Variants in ZNF566 observed in about 807,000 individuals in gnomAD.
ZNF566 encodes zinc finger protein 566.
In ZNF566, 27 loss-of-function variants were observed where a neutral mutation model predicts 32.8. That is an observed-to-expected ratio of 0.82 (90% CI 0.61 to 1.14). The LOEUF (loss-of-function observed/expected upper bound fraction) is 1.14. Ranked by LOEUF, ZNF566 falls within the 50% of genes most tolerant of loss-of-function variation. The pLI, the probability that ZNF566 is intolerant of heterozygous loss-of-function variation, is 0.00. For missense variants in ZNF566, 402 were observed against 490.4 expected (o/e 0.82, Z 1.70); for synonymous variants, 154 against 159.5 (o/e 0.97, Z 0.26).
In ZNF566 at chr19:36,448,716, A is replaced by C. The variant is rs1484673735; in HGVS notation, c.*261T>G. 3.3e-6 allele frequency: 1 copy of C among 304,292 alleles called. No homozygotes were observed. Among genetic ancestry groups the C allele is most frequent in the African/African-American group, 2.2e-5 (1 of 46,392 alleles). 18.8% of individuals were successfully genotyped at this position (304,292 alleles called of 1,614,324 possible). A position where few individuals can be genotyped will look rare whatever the true frequency, so the allele number is the denominator to read the frequency against. ...AGGTGTTAAAAGTGCTGTCATTTTC[A>C]GTATGACAGACTGAATTATCTATCA... On this transcript the variant is annotated 3_prime_UTR_variant, in exon 5 of 5. Coordinates refer to ENST00000452939, the MANE Select transcript of ZNF566 (RefSeq NM_001145344.1).
intron 4 of ZNF566, among the ~76,000 whole-genome samples, chr19:36,453,566 A>G (rs2033224731): frequency 3.3e-5 from 5 of 151,374 alleles, no homozygotes; most frequent in Admixed American, 3.3e-4. Flanking sequence ...ATTTGCTAAT[A>G]GATACACAAT....
chr19:36,487,012 C>G (rs2034180230), intron 1 of ZNF566, among the ~76,000 whole-genome samples: 1 of 149,752 alleles, frequency 6.7e-6, no homozygotes, highest in Admixed American at 6.7e-5. Flanking sequence ...ATGGCGTGAA[C>G]CCGGGAGGCG....
At chr19:36,473,126 G>C in intron 3 of ZNF566, 120 bp from the exon 4 acceptor site, 1 of 1,103,130 alleles carries the variant, frequency 9.1e-7, no homozygotes, top group Non-Finnish European at 1.3e-6. Context: ...GAGGTACAAC[G>C]GACTTATGAA....
chr19:36,472,429 G>A (rs1033665975), intron 4 of ZNF566, among the ~76,000 whole-genome samples: 2 of 152,168 alleles, frequency 1.3e-5, no homozygotes, highest in Non-Finnish European at 2.9e-5. Flanking sequence ...TTTAAACTCT[G>A]CAGCACCTAG....
rs2033324871 is a variant in ZNF566, at chr19:36,456,718, A to G, written c.233-6717T>C. 2.0e-5 allele frequency among the ~76,000 whole-genome samples: 3 copies of G among 152,270 alleles called. 1 individual carries two copies. Among genetic ancestry groups the G allele is most frequent in the Admixed American group, 6.5e-5 (1 of 15,278 alleles). ...GCACAATCTGCACATGTATCCCAGA[A>G]CTTAAAGTATAATAAAAAATAAATG... On this transcript the variant is annotated intron_variant, in intron 4 of 4. Coordinates refer to ENST00000452939, the MANE Select transcript of ZNF566 (RefSeq NM_001145344.1).
At chr19:36,458,189 G>A (rs908905198) in intron 4 of ZNF566, among the ~76,000 whole-genome samples, 1 of 152,074 alleles carries the variant, frequency 6.6e-6, no homozygotes, top group Admixed American at 6.6e-5. Context: ...CCAAGATATG[G>A]AATCAATGGA....
rs1370024153 is a variant in ZNF566, at chr19:36,449,926, TC to T, written c.307del (p.Glu103LysfsTer2). 1 of 1,613,848 alleles carries T rather than the reference TC, an allele frequency of 6.2e-7. No homozygotes were observed. The highest frequency in any genetic ancestry group is 8.5e-7 in the Non-Finnish European group (1 of 1,179,968). ...EIYEIESTQW[E>X]IMEKLTRRDF... ...ACGTCTTGTGAGTTTTTCCATTATTTCCCACTGGGTTGATTCTATTTCATAA... is the reference window on the plus strand; with the variant it reads ...ACGTCTTGTGAGTTTTTCCATTATTTCCACTGGGTTGATTCTATTTCATAA... On this transcript the variant is annotated frameshift_variant, in exon 5 of 5. Transcript: ENST00000452939. LOFTEE classifies it high-confidence loss of function.
At chr19:36,479,574 C>T (rs547553491) in intron 1 of ZNF566, among the ~76,000 whole-genome samples, 90 of 152,236 alleles carry the variant, frequency 5.9e-4, no homozygotes, top group Non-Finnish European at 1.1e-3. Flanking sequence ...TAACAAATGT[C>T]GACATATACC....
At chr19:36,475,715 G>A (rs774755579) in intron 2 of ZNF566, among the ~76,000 whole-genome samples, 5 of 152,066 alleles carry the variant, frequency 3.3e-5, no homozygotes, top group Admixed American at 1.3e-4. Context: ...AGCGGGGGGC[G>A]GCGGGGAACT....
chr19:36,463,460 G>A (rs1017316639), intron 4 of ZNF566, among the ~76,000 whole-genome samples: 2 of 151,158 alleles, frequency 1.3e-5, no homozygotes, highest in African/African-American at 4.9e-5. Flanking sequence ...GAAAAGTACT[G>A]TGGTCATGGC....
chr19:36,474,506 G>T (rs1345334180), intron 2 of ZNF566, among the ~76,000 whole-genome samples: 2 of 152,156 alleles, frequency 1.3e-5, no homozygotes, highest in African/African-American at 2.4e-5. Flanking sequence ...TATGGTAACA[G>T]TCAGGAAAAA....
chr19:36,480,827 G>T (rs552801812), intron 1 of ZNF566, among the ~76,000 whole-genome samples: 200 of 151,610 alleles, frequency 1.3e-3, no homozygotes, highest in Non-Finnish European at 2.2e-3. Flanking sequence ...AACACCTGAG[G>T]TCAGGAGTTC....
At chr19:36,478,490 A>C (rs1279913623) in intron 1 of ZNF566, among the ~76,000 whole-genome samples, 1 of 152,018 alleles carries the variant, frequency 6.6e-6, no homozygotes, top group Non-Finnish European at 1.5e-5. Flanking sequence ...TCCCACTTCA[A>C]CAGCTCCATA....
At chr19:36,478,834 G>A (rs530187008) in intron 1 of ZNF566, among the ~76,000 whole-genome samples, 142 of 152,244 alleles carry the variant, frequency 9.3e-4, no homozygotes, top group African/African-American at 3.4e-3. Flanking sequence ...ATAAGAGCAC[G>A]AACAGTAGGG....
chr19:36,472,873 C>T, intron 4 of ZNF566, 38 bp downstream of exon 4: 4 of 1,544,076 alleles, frequency 2.6e-6, no homozygotes, highest in Non-Finnish European at 3.5e-6. Context: ...AGTCTCTCTA[C>T]CAGCCAAATC....
At position 36,449,410 on chromosome 19, in the gene ZNF566, C is replaced by A; in HGVS notation, c.824G>T (p.Arg275Ile). The A allele has an allele frequency of 1.2e-6, 2 of 1,614,114 alleles. No individual in the cohort carries two copies. The highest frequency in any genetic ancestry group is 1.3e-5 in the African/African-American group (1 of 75,034). Residue 275 changes from arginine to isoleucine, a missense_variant, in exon 5 of 5, where the codon AGA becomes ATA. Coordinates refer to ENST00000452939, the MANE Select transcript of ZNF566 (RefSeq NM_001145344.1). ...SSGSNFTRHQRIHTGEKPYEC... is the reference protein window; with the variant it reads ...SSGSNFTRHQIIHTGEKPYEC... The stretch of plus-strand genomic sequence containing the variant: ...ATAAGGCTTCTCACCTGTGTGAATT[C>A]TCTGATGTCGAGTGAAGTTTGAACC...
intron 4 of ZNF566, 93 bp from the exon 5 acceptor site, chr19:36,450,094 T>C: frequency 9.7e-7 from 1 of 1,032,802 alleles, no homozygotes; most frequent in Non-Finnish European, 1.4e-6. Context: ...CGAATTTTTT[T>C]TACAAATGGA....
chr19:36,448,778 A>G lies in ZNF566; in HGVS notation c.*199T>C, dbSNP rs111385941. ...TGAATTATCTGATGTCAAGAGAAGT[A>G]AGCGTTTAGTTAAGGGCTTCCAAAG... is the stretch of plus-strand genomic sequence containing the variant. On this transcript the variant is annotated 3_prime_UTR_variant, in exon 5 of 5. Coordinates refer to ENST00000452939, the MANE Select transcript of ZNF566 (RefSeq NM_001145344.1). 2.1e-6 allele frequency: 1 copy of G among 465,366 alleles called. No homozygotes were observed. The highest frequency in any genetic ancestry group is 3.7e-6 in the Non-Finnish European group (1 of 269,228). 28.8% of individuals were successfully genotyped at this position (465,366 alleles called of 1,614,324 possible).
rs900699690 is a variant in ZNF566 at position 36,446,905 on chromosome 19, C to T, written c.*2072G>A. ...ACAGTTCTACAGACATAAACTTCAT[C>T]CTTCCACATATGCGATCTGTCCAGC... On this transcript the variant is annotated 3_prime_UTR_variant, in exon 5 of 5. Transcript: ENST00000452939. 2.6e-5 allele frequency: 4 copies of T among 152,162 alleles called. No individual in the cohort carries two copies. Among genetic ancestry groups the T allele is most frequent in the Admixed American group, 2.6e-4 (4 of 15,254 alleles). The allele number at this position is 152,162 out of a possible 1,614,324, so 9.4% of individuals were successfully genotyped here.
Sources: allele counts gnomAD v4.1 joint callset (sites outside exome capture counted in the v4.1 genomes callset), GRCh38; gene constraint gnomAD v4.1.1; transcripts MANE v1.5; gene names NCBI Gene and HGNC (gene_info 2026-07-23, HGNC 2026-07-21).